Variants in KIF15 observed in about 807,000 individuals in gnomAD.
The protein encoded by KIF15 is kinesin-like protein KIF15.
A neutral mutation model predicts 190.6 loss-of-function variants in KIF15; 140 were observed. That is an observed-to-expected ratio of 0.73 (90% CI 0.64 to 0.84). The LOEUF (loss-of-function observed/expected upper bound fraction) is 0.84. KIF15 is among the 40% of genes least tolerant of loss of function. The pLI is 0.00. For synonymous variants in KIF15, 528 were observed against 551.3 expected, an observed-to-expected ratio of 0.96 and a Z score of 0.59; for missense variants, 1,372 against 1,584.4, an observed-to-expected ratio of 0.87 and a Z score of 2.28.
chr3:44,815,793 G>A (rs1311788445), intron 20 of KIF15, among the ~76,000 whole-genome samples: 1 of 151,984 alleles, frequency 6.6e-6, no homozygotes, highest in Non-Finnish European at 1.5e-5. Context: ...TTTTGATAAT[G>A]TCTCCTGTGT....
chr3:44,816,845 C>T (rs200166014), intron 20 of KIF15, among the ~76,000 whole-genome samples: 24 of 152,192 alleles, frequency 1.6e-4, no homozygotes, highest in Admixed American at 2.6e-4. Context: ...AACTAATTTA[C>T]GCTCTCACCA....
intron 4 of KIF15, 119 bp from the exon 5 acceptor site, chr3:44,780,766 A>G: frequency 1.6e-6 from 1 of 616,420 alleles, no homozygotes; most frequent in Non-Finnish European, 2.7e-6. Flanking sequence ...AATAGAATTT[A>G]AAAATAGAAA....
rs1041571106 is a variant in KIF15, at chr3:44,766,814, T to G, written c.19+4930T>G. On this transcript the variant is annotated intron_variant, in intron 1 of 34. Coordinates refer to ENST00000326047, the MANE Select transcript of KIF15 (RefSeq NM_020242.3). ...CTTTTCTTTTCTTTCTTTCTTTTTT[T>G]TTTTTTTTTTTTTTGAGATGGAGTC... Among the ~76,000 whole-genome samples the G allele has an allele frequency of 1.0e-4, 14 of 135,902 alleles. No individual in the cohort carries two copies. In the South Asian group the frequency reaches 1.4e-3, roughly 14 times the overall value. The allele number at this position is 135,902 out of a possible 152,430, so 89.2% of individuals were successfully genotyped here.
intron 25 of KIF15, 50 bp downstream of exon 25, chr3:44,830,125 C>A: frequency 1.0e-6 from 1 of 978,862 alleles, no homozygotes; most frequent in African/African-American, 1.7e-5. Flanking sequence ...GGACACTTCA[C>A]AGACTTTTCA....
chr3:44,786,303 C>T (rs1321530428), intron 6 of KIF15, 92 bp from the exon 7 acceptor site: 9 of 1,004,576 alleles, frequency 9.0e-6, no homozygotes, highest in Non-Finnish European at 1.3e-5. Flanking sequence ...AGGAAATTTA[C>T]ATCTTGTGAA....
intron 20 of KIF15, among the ~76,000 whole-genome samples, chr3:44,816,987 A>G (rs921178640): frequency 6.6e-6 from 1 of 151,328 alleles, no homozygotes; most frequent in Non-Finnish European, 1.5e-5. Context: ...TCTGATGACC[A>G]GTGATGATGA....
chr3:44,809,615 C>G (rs1036307398), intron 16 of KIF15, among the ~76,000 whole-genome samples: 1 of 151,266 alleles, frequency 6.6e-6, no homozygotes, highest in Non-Finnish European at 1.5e-5. Context: ...GAGGCAGAAG[C>G]AGGAGGATTG....
intron 24 of KIF15, among the ~76,000 whole-genome samples, chr3:44,829,710 TGTA>T (rs1225465311): frequency 7.3e-6 from 1 of 136,190 alleles, no homozygotes; most frequent in Non-Finnish European, 1.5e-5. Flanking sequence ...ATATTATAGA[TGTA>T]TATATATTAT....
chr3:44,797,875 T>G lies in KIF15; in HGVS notation c.1017T>G (p.Asn339Lys). 1 of 1,613,936 alleles carries G rather than the reference T, an allele frequency of 6.2e-7. No homozygotes were observed. Among genetic ancestry groups the G allele is most frequent in the Non-Finnish European group, 8.5e-7 (1 of 1,179,920 alleles). The change falls in exon 10 of 35, where the codon AAT becomes AAG. Residue 339 changes from asparagine to lysine, a missense_variant. Physicochemically the swap from Asn to Lys is moderately conservative, Grantham distance 94. Transcript: ENST00000326047. ...GGNAKTAIIA[N>K]VHPGSRCFGE... ...ATGCCAAAACAGCCATAATTGCAAA[T>G]GTTCATCCTGGATCCAGGTGTTTTG...
chr3:44,793,190 A>C (rs1706801769), intron 7 of KIF15, among the ~76,000 whole-genome samples: 1 of 152,188 alleles, frequency 6.6e-6, no homozygotes, highest in African/African-American at 2.4e-5. Context: ...CTGAGGCTTG[A>C]AAAGGTTCAG....
rs1358437851 is a variant in KIF15, at chr3:44,841,351, C to T, written c.3585+113C>T. The T allele has an allele frequency of 1.4e-5, 10 of 705,452 alleles. No individual in the cohort carries two copies. The East Asian group carries it at 2.8e-4, about 19-fold the overall frequency. The allele number at this position is 705,452 out of a possible 1,614,324, so 43.7% of individuals were successfully genotyped here. A position where few individuals can be genotyped will look rare whatever the true frequency, so the allele number is the denominator to read the frequency against. ...TTTGCCTCAGCCACCCAGTATCTGG[C>T]ACTATAGGTATATGCCACCATGCCC... On this transcript the variant is annotated intron_variant, in intron 29 of 34. Coordinates refer to ENST00000326047, the MANE Select transcript of KIF15 (RefSeq NM_020242.3).
chr3:44,862,781 C>G (rs1337884397), intron 6 of KIF15: 1 of 151,984 alleles, frequency 6.6e-6, no homozygotes, highest in Non-Finnish European at 1.5e-5. Flanking sequence ...GGTTTCATTG[C>G]GTCTGCAGCC....
intron 32 of KIF15, among the ~76,000 whole-genome samples, chr3:44,849,662 TTAATA>T (rs1376039184): frequency 1.3e-5 from 2 of 152,120 alleles, no homozygotes; most frequent in Admixed American, 1.3e-4. Context: ...TTATATTGAT[TTAATA>T]TATTTTCTGG....
chr3:44,806,094 A>G, intron 16 of KIF15, 108 bp downstream of exon 16: 1 of 1,256,272 alleles, frequency 8.0e-7, no homozygotes. Flanking sequence ...CATCCCATGC[A>G]GGTAATTAAC....
chr3:44,835,825 T>A (rs1698283603), intron 26 of KIF15, among the ~76,000 whole-genome samples: 1 of 152,210 alleles, frequency 6.6e-6, no homozygotes, highest in African/African-American at 2.4e-5. Context: ...GGGAAAATTG[T>A]CTGACCAATT....
At chr3:44,818,415 C>T (rs924778805) in intron 20 of KIF15, among the ~76,000 whole-genome samples, 4 of 152,108 alleles carry the variant, frequency 2.6e-5, no homozygotes, top group African/African-American at 4.8e-5. Context: ...GAGATACGTT[C>T]CATCAATATC....
chr3:44,817,295 T>G (rs1056011955), intron 20 of KIF15, among the ~76,000 whole-genome samples: 10 of 152,234 alleles, frequency 6.6e-5, no homozygotes, highest in African/African-American at 1.2e-4. Flanking sequence ...TTTTGGTGTT[T>G]TACTCATGAA....
At chr3:44,822,505 T>C (rs529304374) in intron 20 of KIF15, among the ~76,000 whole-genome samples, 1 of 152,096 alleles carries the variant, frequency 6.6e-6, no homozygotes, top group South Asian at 2.1e-4. Flanking sequence ...TCTCGAGGAG[T>C]ATATTTGTGG....
At position 44,826,059 on chromosome 3, in the gene KIF15, T is replaced by C; in HGVS notation, c.2570T>C (p.Leu857Pro). Residue 857 changes from leucine (L) to proline (P), a missense_variant, in exon 21 of 35, where the codon CTT becomes CCT. Transcript: ENST00000326047. ...DNLRLENEKLLESKACLQDSY... is the reference protein window; with the variant it reads ...DNLRLENEKLPESKACLQDSY... Reference sequence around the variant, plus strand: ...TAAAGGTTAGAAAACGAAAAGCTGCTTGAGAGCAAAGCCTGCCTACAGGAT... The same window carrying C: ...TAAAGGTTAGAAAACGAAAAGCTGCCTGAGAGCAAAGCCTGCCTACAGGAT... 3 of 1,584,004 alleles carry C rather than the reference T, an allele frequency of 1.9e-6. No homozygotes were observed. The East Asian group carries it at 6.8e-5, about 36-fold the overall frequency.
Sources: allele counts gnomAD v4.1 joint callset (sites outside exome capture counted in the v4.1 genomes callset), GRCh38; gene constraint gnomAD v4.1.1; transcripts MANE v1.5; gene names NCBI Gene and HGNC (gene_info 2026-07-23, HGNC 2026-07-21).